CTNNA2: variants seen among roughly 807,000 people sequenced by gnomAD.
The protein encoded by CTNNA2 is catenin alpha 2.
In CTNNA2, 42 loss-of-function variants were observed where a neutral mutation model predicts 101.0. That is an observed-to-expected ratio of 0.42 (90% CI 0.32 to 0.54). The LOEUF (loss-of-function observed/expected upper bound fraction) is 0.54, where lower values mean the gene tolerates loss of function less well. Ranked by LOEUF, CTNNA2 falls within the 20% of genes least tolerant of loss-of-function variation. The pLI is 0.14. For missense variants in CTNNA2, 871 were observed against 1,223.1 expected (o/e 0.71, Z 4.29); for synonymous variants, 450 against 456.4 (o/e 0.99, Z 0.18).
intron 4 of CTNNA2, among the ~76,000 whole-genome samples, chr2:79,383,321 G>A (rs1678060626): frequency 6.6e-6 from 1 of 152,176 alleles, no homozygotes; most frequent in Admixed American, 6.5e-5. Flanking sequence ...TATGATCGGG[G>A]ATAATAAGGA....
intron 1 of CTNNA2, among the ~76,000 whole-genome samples, chr2:79,601,160 G>A (rs1029739007): frequency 6.6e-6 from 1 of 152,152 alleles, no homozygotes; most frequent in African/African-American, 2.4e-5. Flanking sequence ...GAAGAAATTT[G>A]TCAAAAGCCT....
chr2:80,545,091 T>A lies in CTNNA2; in HGVS notation c.1383+17T>A. ...TGTCCCCAGGTAAGCCTCATTCACT[T>A]TGTTTCAAAAGCCTGTCAGTGACCT... On this transcript the variant is annotated intron_variant, in intron 10 of 18. Coordinates refer to ENST00000402739, the MANE Select transcript of CTNNA2 (RefSeq NM_001282597.3). 6.2e-7 allele frequency: 1 copy of A among 1,612,682 alleles called. No homozygotes were observed. Among genetic ancestry groups the A allele is most frequent in the South Asian group, 1.1e-5 (1 of 90,894 alleles).
chr2:79,217,477 AG>A (rs1291575349), intron 2 of CTNNA2, among the ~76,000 whole-genome samples: 1 of 151,454 alleles, frequency 6.6e-6, no homozygotes, highest in Non-Finnish European at 1.5e-5. Flanking sequence ...TTACAGTCAA[AG>A]GGGGGTTCTC....
At chr2:79,728,076 C>T (rs1310393577) in intron 2 of CTNNA2, among the ~76,000 whole-genome samples, 2 of 151,874 alleles carry the variant, frequency 1.3e-5, no homozygotes, top group African/African-American at 4.8e-5. Context: ...GATTTGTAAT[C>T]CTTTGGGTAT....
intron 1 of CTNNA2, among the ~76,000 whole-genome samples, chr2:79,562,341 T>A (rs988187043): frequency 3.9e-5 from 6 of 152,062 alleles, no homozygotes; most frequent in African/African-American, 9.6e-5. Context: ...TTGAAATAAC[T>A]CTTTTATTCT....
chr2:79,831,178 C>A, intron 3 of CTNNA2, among the ~76,000 whole-genome samples: 1 of 151,928 alleles, frequency 6.6e-6, no homozygotes, highest in Non-Finnish European at 1.5e-5. Flanking sequence ...TATAAATTTA[C>A]AAGTTTCTAC....
Position 79,661,230 on chromosome 2 carries a change from T to C in CTNNA2, c.102+9572T>C, listed in dbSNP as rs145415308. On this transcript the variant is annotated intron_variant, in intron 2 of 18. Transcript: ENST00000402739. The stretch of plus-strand genomic sequence containing the variant: ...GTTAACATGTGACATCTGCCCTTTT[T>C]CCCTTCTTATTAGCCTAGGGAGATG... Among the ~76,000 whole-genome samples the C allele has an allele frequency of 3.5e-3, 539 of 152,312 alleles. 12 individuals are homozygous for C. In the East Asian group the frequency reaches 0.047, roughly 13 times the overall value.
intron 1 of CTNNA2, among the ~76,000 whole-genome samples, chr2:79,524,921 T>TG (rs921923482): frequency 1.3e-5 from 2 of 151,792 alleles, no homozygotes; most frequent in African/African-American, 4.8e-5. Context: ...TTTTTTTTTT[T>TG]GTATGCTATT....
intron 4 of CTNNA2, among the ~76,000 whole-genome samples, chr2:79,438,537 G>T (rs901233306): frequency 2.6e-5 from 4 of 152,250 alleles, no homozygotes; most frequent in Admixed American, 2.0e-4. Context: ...CCTGTGTGTT[G>T]TAAAAAGTTT....
chr2:80,345,002 T>C (rs1287463112), intron 7 of CTNNA2, among the ~76,000 whole-genome samples: 2 of 152,212 alleles, frequency 1.3e-5, no homozygotes, highest in Non-Finnish European at 2.9e-5. Context: ...CAAATCTCCA[T>C]CATTTTGCAT....
At chr2:80,211,859 G>A (rs542946688) in intron 7 of CTNNA2, among the ~76,000 whole-genome samples, 52 of 149,676 alleles carry the variant, frequency 3.5e-4, no homozygotes, top group African/African-American at 1.3e-3. Context: ...AGCGTGGAAT[G>A]TTCTTCCTTT....
intron 7 of CTNNA2, among the ~76,000 whole-genome samples, chr2:80,175,314 G>A (rs1469066146): frequency 1.3e-5 from 2 of 152,124 alleles, no homozygotes; most frequent in African/African-American, 2.4e-5. Context: ...AGAGTCAAAT[G>A]TTATATTTTT....
chr2:79,237,327 T>C (rs564036492), intron 2 of CTNNA2, among the ~76,000 whole-genome samples: 26 of 152,310 alleles, frequency 1.7e-4, no homozygotes, highest in African/African-American at 5.8e-4. Context: ...TCTTAAAATA[T>C]TTAGTAAACC....
At position 79,218,352 on chromosome 2, in the gene CTNNA2, T is replaced by TGTGTGTGTGTGTGTA. The variant is rs1491322056; in HGVS notation, c.-406+20276_-406+20277insGTGTGTGTGTGTGTA. Among the ~76,000 whole-genome samples the TGTGTGTGTGTGTGTA allele has an allele frequency of 2.2e-3, 185 of 82,588 alleles. 1 individual carries two copies. Among genetic ancestry groups the TGTGTGTGTGTGTGTA allele is most frequent in the South Asian group, 4.3e-3 (10 of 2,324 alleles). 54.2% of individuals were successfully genotyped at this position (82,588 alleles called of 152,430 possible). A position where few individuals can be genotyped will look rare whatever the true frequency, so the allele number is the denominator to read the frequency against. ...GTGTGTGTGTGTGTGTGTGTGTGTA[T>TGTGTGTGTGTGTGTA]TTTTTTTTTTTTTAGAGACAGGATC... On this transcript the variant is annotated intron_variant, in intron 2 of 21. Coordinates refer to the CTNNA2 transcript ENST00000466387.
intron 7 of CTNNA2, among the ~76,000 whole-genome samples, chr2:79,956,843 G>GTTTTTTGTTTTTTTTTTTTTTTT (rs1553413397): frequency 1.0e-5 from 1 of 98,936 alleles, no homozygotes; most frequent in African/African-American, 4.7e-5. Context: ...ATACGTGTGG[G>GTTTTTTGTTTTTTTTTTTTTTTT]TTTTTTTTTT....
At chr2:79,687,931 G>A (rs976445438) in intron 2 of CTNNA2, among the ~76,000 whole-genome samples, 30 of 152,150 alleles carry the variant, frequency 2.0e-4, no homozygotes, top group African/African-American at 5.3e-4. Flanking sequence ...GAGAATCTCC[G>A]TATAGAGTGG....
intron 1 of CTNNA2, among the ~76,000 whole-genome samples, chr2:79,579,466 A>C (rs1368002217): frequency 7.2e-5 from 11 of 152,186 alleles, no homozygotes; most frequent in African/African-American, 2.7e-4. Context: ...GGGACAGTTT[A>C]ATATAATCTT....
intron 7 of CTNNA2, among the ~76,000 whole-genome samples, chr2:79,935,292 G>A (rs1192308602): frequency 6.6e-6 from 1 of 151,508 alleles, no homozygotes; most frequent in African/African-American, 2.4e-5. Context: ...GTCACATGGA[G>A]GCAAAACCAC....
At chr2:79,693,673 GA>G (rs1443121682) in intron 2 of CTNNA2, among the ~76,000 whole-genome samples, 1 of 151,954 alleles carries the variant, frequency 6.6e-6, no homozygotes, top group Non-Finnish European at 1.5e-5. Context: ...GATCAAGATG[GA>G]AGTTCCATGG....
Sources: allele counts gnomAD v4.1 joint callset (sites outside exome capture counted in the v4.1 genomes callset), GRCh38; gene constraint gnomAD v4.1.1; transcripts MANE v1.5; gene names NCBI Gene and HGNC (gene_info 2026-07-23, HGNC 2026-07-21).